MND1: variants seen among roughly 807,000 people sequenced by gnomAD.
MND1 encodes meiotic nuclear divisions 1.
In MND1, 28 loss-of-function variants were observed where a neutral mutation model predicts 35.1. The observed-to-expected ratio is 0.80, with a 90% CI of 0.59 to 1.09. MND1 has a LOEUF of 1.09. MND1 is among the 50% of genes least tolerant of loss of function. The pLI is 0.00. For synonymous variants in MND1, 69 were observed against 70.5 expected (o/e 0.98, Z 0.11); for missense variants, 213 against 239.6 (o/e 0.89, Z 0.73).
chr4:153,358,696 T>C (rs1773406503), intron 4 of MND1, 74 bp downstream of exon 4: 2 of 1,435,648 alleles, frequency 1.4e-6, no homozygotes, highest in Non-Finnish European at 1.9e-6. Flanking sequence ...TCTTTTTGTT[T>C]AGCAGTTTCT....
At chr4:153,380,301 T>A (rs958804841) in intron 4 of MND1, among the ~76,000 whole-genome samples, 1 of 152,148 alleles carries the variant, frequency 6.6e-6, no homozygotes, top group Non-Finnish European at 1.5e-5. Flanking sequence ...GGACTAGATT[T>A]CTTTTTTTTT....
chr4:153,349,276 C>A (rs1462069007), intron 1 of MND1, among the ~76,000 whole-genome samples: 2 of 152,156 alleles, frequency 1.3e-5, no homozygotes, highest in Non-Finnish European at 2.9e-5. Flanking sequence ...AGAAGAATAA[C>A]CTGAGTGGGC....
rs1323478204 is a variant in MND1 at position 153,404,485 on chromosome 4, C to T, written c.467-4486C>T. On this transcript the variant is annotated intron_variant, in intron 6 of 7. Transcript: ENST00000240488. Reference sequence around the variant, plus strand: ...GATTACAGGTGTGAGCCACTGTGCACGGCCTTTTTTTTTTTGAAACGGGGT... The same window carrying T: ...GATTACAGGTGTGAGCCACTGTGCATGGCCTTTTTTTTTTTGAAACGGGGT... 9.5e-5 allele frequency among the ~76,000 whole-genome samples: 14 copies of T among 147,310 alleles called. No homozygotes were observed. In the East Asian group the frequency reaches 2.2e-3, roughly 23 times the overall value.
intron 6 of MND1, among the ~76,000 whole-genome samples, chr4:153,404,487 G>A (rs908129869): frequency 3.4e-5 from 5 of 147,800 alleles, no homozygotes; most frequent in Admixed American, 2.7e-4. Context: ...ACTGTGCACG[G>A]CCTTTTTTTT....
chr4:153,384,443 ATTTTTT>A (rs561004288), intron 4 of MND1, among the ~76,000 whole-genome samples: 4 of 63,170 alleles, frequency 6.3e-5, no homozygotes, highest in South Asian at 5.2e-4. Context: ...CTAATGTTTA[ATTTTTT>A]TTTTTTTTTT....
chr4:153,376,744 C>T (rs1448511529), intron 4 of MND1, among the ~76,000 whole-genome samples: 1 of 152,144 alleles, frequency 6.6e-6, no homozygotes, highest in African/African-American at 2.4e-5. Flanking sequence ...ACTTCCTGTT[C>T]TGACTTACAT....
intron 3 of MND1, among the ~76,000 whole-genome samples, chr4:153,357,999 C>T (rs114933944): frequency 0.013 from 2,007 of 152,236 alleles, 41 homozygotes; most frequent in African/African-American, 0.046. Context: ...TCTTCTATTA[C>T]TAGATAATCT....
chr4:153,405,275 A>G (rs1397989076), intron 6 of MND1, among the ~76,000 whole-genome samples: 6 of 152,124 alleles, frequency 3.9e-5, no homozygotes, highest in Non-Finnish European at 2.9e-5. Context: ...TGGTAGTGGT[A>G]TGAGAATAGA....
intron 3 of MND1, among the ~76,000 whole-genome samples, 168 bp from the exon 4 acceptor site, chr4:153,358,306 T>C (rs1252128433): frequency 6.6e-6 from 1 of 152,190 alleles, no homozygotes; most frequent in Admixed American, 6.5e-5. Flanking sequence ...TTCTAAGAAA[T>C]GTTTCCTTAG....
chr4:153,345,325 C>CT, intron 1 of MND1: 3 of 985,428 alleles, frequency 3.0e-6, no homozygotes, highest in Non-Finnish European at 3.6e-6. Context: ...TTCGAGTTAC[C>CT]TAATGGATCT....
chr4:153,388,227 T>G (rs1266965279), intron 4 of MND1, among the ~76,000 whole-genome samples: 1 of 152,202 alleles, frequency 6.6e-6, no homozygotes, highest in Non-Finnish European at 1.5e-5. Context: ...TGGTGGCTCA[T>G]GCCTGTAATT....
intron 3 of MND1, 117 bp from the exon 4 acceptor site, chr4:153,358,357 A>G: frequency 1.2e-6 from 1 of 821,528 alleles, no homozygotes; most frequent in Non-Finnish European, 1.8e-6. Flanking sequence ...TTAAGAGCTT[A>G]TTAACTTTTT....
intron 4 of MND1, among the ~76,000 whole-genome samples, chr4:153,392,488 G>C (rs1349063570): frequency 6.6e-6 from 1 of 150,566 alleles, no homozygotes; most frequent in Non-Finnish European, 1.5e-5. Flanking sequence ...TATAATTCAA[G>C]AGTGAGGGAG....
intron 4 of MND1, among the ~76,000 whole-genome samples, chr4:153,366,700 G>A (rs559723264): frequency 5.3e-5 from 8 of 152,236 alleles, no homozygotes; most frequent in Non-Finnish European, 1.0e-4. Flanking sequence ...CACACTAGTG[G>A]GTTTGTTTTA....
chr4:153,365,120 A>G (rs997831749), intron 4 of MND1, among the ~76,000 whole-genome samples: 46 of 150,048 alleles, frequency 3.1e-4, no homozygotes, highest in African/African-American at 1.1e-3. Context: ...AAAAAAAACT[A>G]TCCAAGCTAC....
At chr4:153,396,819 G>C (rs1246179712) in intron 5 of MND1, among the ~76,000 whole-genome samples, 1 of 152,048 alleles carries the variant, frequency 6.6e-6, no homozygotes, top group Non-Finnish European at 1.5e-5. Context: ...AAAGATAATT[G>C]TATAATGATC....
chr4:153,362,832 A>G (rs1773528700), intron 4 of MND1, among the ~76,000 whole-genome samples: 1 of 151,964 alleles, frequency 6.6e-6, no homozygotes. Context: ...TGTTTTTTTT[A>G]GTCTCTGGGT....
chr4:153,355,701 G>A lies in MND1; in HGVS notation c.117G>A (p.Glu39=). The change falls in exon 3 of 8, where the codon GAG becomes GAA. Residue 39 remains glutamate (E), a synonymous_variant. Transcript: ENST00000240488. The part of the protein sequence containing the change: ...LKDLEKIAPK[E]KGITAMSVKE... The stretch of plus-strand genomic sequence containing the variant: ...ACTTGGAGAAGATTGCTCCCAAAGA[G>A]AAAGGCATTAGTAAGTACCAAAGTT... The A allele has an allele frequency of 6.3e-7, 1 of 1,581,220 alleles. No homozygotes were observed. Among genetic ancestry groups the A allele is most frequent in the Middle Eastern group, 1.7e-4 (1 of 5,996 alleles).
At chr4:153,406,862 T>TA (rs1193310901) in intron 6 of MND1, among the ~76,000 whole-genome samples, 3 of 152,254 alleles carry the variant, frequency 2.0e-5, no homozygotes, top group South Asian at 4.1e-4. Context: ...TTATTGGACT[T>TA]ACGGTGCCAC....
Sources: allele counts gnomAD v4.1 joint callset (sites outside exome capture counted in the v4.1 genomes callset), GRCh38; gene constraint gnomAD v4.1.1; transcripts MANE v1.5; gene names NCBI Gene and HGNC (gene_info 2026-07-23, HGNC 2026-07-21).